FBXW8: variants seen among roughly 807,000 people sequenced by gnomAD.
FBXW8 encodes the protein F-box/WD repeat-containing protein 8.
Under a neutral mutation model 65.3 loss-of-function variants are expected in FBXW8, and 57 were observed. The ratio of observed to expected loss-of-function variants is 0.87; its 90% CI spans 0.71 to 1.09. The LOEUF is 1.09. FBXW8 is among the 50% of genes least tolerant of loss of function. FBXW8 has a pLI of 0.00. For synonymous variants in FBXW8, 308 were observed against 330.2 expected, an observed-to-expected ratio of 0.93 and a Z score of 0.73; for missense variants, 777 against 814.8, an observed-to-expected ratio of 0.95 and a Z score of 0.57.
At chr12:116,949,816 C>T (rs1592876169) in intron 4 of FBXW8, 110 bp downstream of exon 4, 1 of 969,064 alleles carries the variant, frequency 1.0e-6, no homozygotes, top group African/African-American at 1.6e-5. Flanking sequence ...CATGTACCTC[C>T]CTCAGTTACA....
intron 7 of FBXW8, among the ~76,000 whole-genome samples, chr12:117,000,227 C>T (rs1953481535): frequency 2.0e-5 from 3 of 152,182 alleles, no homozygotes; most frequent in Admixed American, 6.5e-5. Context: ...CCGCCCACCT[C>T]GGCCTCCCAA....
At chr12:116,946,382 T>C (rs1305128472) in intron 3 of FBXW8, among the ~76,000 whole-genome samples, 6 of 152,204 alleles carry the variant, frequency 3.9e-5, no homozygotes, top group Admixed American at 3.9e-4. Context: ...ATAAGAGCAG[T>C]GTCTCTCTAG....
At chr12:116,972,627 G>A (rs529227116) in intron 5 of FBXW8, among the ~76,000 whole-genome samples, 27 of 152,122 alleles carry the variant, frequency 1.8e-4, no homozygotes, top group Admixed American at 3.3e-4. Flanking sequence ...CAGGGAGACT[G>A]AGGAGGTAAG....
chr12:117,019,413 C>G (rs1442921323), intron 8 of FBXW8, among the ~76,000 whole-genome samples: 1 of 152,162 alleles, frequency 6.6e-6, no homozygotes, highest in Non-Finnish European at 1.5e-5. Context: ...CAACTTGTCC[C>G]TGGAATCGGT....
intron 7 of FBXW8, 74 bp from the exon 8 acceptor site, chr12:117,010,249 T>C (rs1953770586): frequency 1.9e-6 from 3 of 1,603,636 alleles, no homozygotes; most frequent in African/African-American, 2.7e-5. Context: ...CCCTCCACGA[T>C]GGTGAAATGA....
chr12:116,920,234 C>T (rs1016690483), intron 1 of FBXW8, among the ~76,000 whole-genome samples: 6 of 152,206 alleles, frequency 3.9e-5, no homozygotes, highest in African/African-American at 7.2e-5. Flanking sequence ...CCTCCACTTA[C>T]GAACCTTTTG....
intron 6 of FBXW8, chr12:116,987,235 G>A (rs7137006): frequency 0.68 from 103,808 of 152,330 alleles, 39,996 homozygotes; most frequent in Non-Finnish European, 0.84. Flanking sequence ...CTTCTGGACC[G>A]TGTTCTGGAG....
intron 2 of FBXW8, among the ~76,000 whole-genome samples, chr12:116,935,315 C>T (rs1882077901): frequency 6.6e-6 from 1 of 152,012 alleles, no homozygotes; most frequent in South Asian, 2.1e-4. Flanking sequence ...ATTTTATGTC[C>T]ATGTAGGAGA....
At chr12:117,007,365 G>A (rs1953702239) in intron 7 of FBXW8, among the ~76,000 whole-genome samples, 3 of 152,150 alleles carry the variant, frequency 2.0e-5, no homozygotes, top group Admixed American at 2.0e-4. Flanking sequence ...AAGCCAAAGA[G>A]GAGGAAAAAT....
Position 116,911,084 on chromosome 12 carries a change from A to T in FBXW8, c.47A>T (p.Glu16Val), listed in dbSNP as rs1211147401. The T allele has an allele frequency of 6.9e-7, 1 of 1,443,354 alleles. No homozygotes were observed. The highest frequency in any genetic ancestry group is 3.0e-5 in the East Asian group (1 of 33,050). The allele number at this position is 1,443,354 out of a possible 1,614,324, so 89.4% of individuals were successfully genotyped here. Residue 16 changes from glutamate to valine, a missense_variant, in exon 1 of 11, where the codon GAG becomes GTG. By Grantham distance (121) the Glu-to-Val change is moderately radical. Coordinates refer to ENST00000652555, the MANE Select transcript of FBXW8 (RefSeq NM_153348.3). ...LDEFRRRWQE[E>V]LAQAQAPKKR... ...GAGTTCCGTCGGCGCTGGCAGGAGG[A>T]GCTGGCGCAGGCCCAGGCGCCGAAG...
Position 117,028,189 on chromosome 12 carries a change from G to C in FBXW8, c.*17G>C. On this transcript the variant is annotated 3_prime_UTR_variant, in exon 11 of 11. Coordinates refer to ENST00000652555, the MANE Select transcript of FBXW8 (RefSeq NM_153348.3). This position sits in a 1 kb window ranked among gnomAD's most constrained non-coding sequence, Gnocchi z 4.1. ...CATGTTTAGGGATGTGCCTCAGTTG[G>C]GAGCAAGGAGAAAAATGGGAAGAAC... 2 of 1,611,516 alleles carry C rather than the reference G, an allele frequency of 1.2e-6. No individual in the cohort carries two copies. The highest frequency in any genetic ancestry group is 1.7e-6 in the Non-Finnish European group (2 of 1,178,100).
intron 6 of FBXW8, chr12:116,985,713 A>G (rs1885633076): frequency 4.0e-6 from 1 of 247,358 alleles, no homozygotes; most frequent in African/African-American, 2.2e-5. Flanking sequence ...CCTTCTTCAG[A>G]CTAACACGGT....
At chr12:117,002,093 C>G (rs140434764) in intron 7 of FBXW8, among the ~76,000 whole-genome samples, 6 of 152,184 alleles carry the variant, frequency 3.9e-5, no homozygotes, top group African/African-American at 1.4e-4. Flanking sequence ...GTTGGTTTGG[C>G]CTCACTCCGG....
chr12:116,911,155 G>A lies in FBXW8; in HGVS notation c.118G>A (p.Glu40Lys), dbSNP rs1879890470. The A allele has an allele frequency of 1.5e-6, 2 of 1,342,150 alleles. No individual in the cohort carries two copies. The highest frequency in any genetic ancestry group is 8.2e-5 in the Admixed American group (2 of 24,342). The allele number at this position is 1,342,150 out of a possible 1,614,324, so 83.1% of individuals were successfully genotyped here. Reference protein sequence around the residue: ...EAAERRARRPEVGSGRGEQAS... With the variant: ...EAAERRARRPKVGSGRGEQAS... ...TGCCGAGAGGCGGGCTCGGCGGCCG[G>A]AGGTGGGCTCCGGGCGCGGCGAACA... The change falls in exon 1 of 11, where the codon GAG (glutamate) becomes AAG (lysine). Residue 40 changes from glutamate to lysine, a missense_variant. Coordinates refer to ENST00000652555, the MANE Select transcript of FBXW8 (RefSeq NM_153348.3).
At chr12:116,915,239 C>T (rs1297929586) in intron 1 of FBXW8, among the ~76,000 whole-genome samples, 1 of 152,216 alleles carries the variant, frequency 6.6e-6, no homozygotes, top group African/African-American at 2.4e-5. Context: ...CACATTAGGT[C>T]TTTTCTCCCA....
intron 2 of FBXW8, among the ~76,000 whole-genome samples, chr12:116,943,377 T>C (rs182764621): frequency 5.9e-5 from 9 of 152,348 alleles, no homozygotes; most frequent in Admixed American, 4.6e-4. Flanking sequence ...ATTGTTATTT[T>C]TGTTGTTGCT....
chr12:116,979,505 C>T (rs1302550864), intron 5 of FBXW8: 1 of 152,232 alleles, frequency 6.6e-6, no homozygotes, highest in East Asian at 1.9e-4. Context: ...GGCCCTGCCC[C>T]TTCTCCTTTA....
intron 7 of FBXW8, chr12:117,003,040 TTTG>T (rs1172949876): frequency 6.6e-6 from 1 of 152,236 alleles, no homozygotes; most frequent in Non-Finnish European, 1.5e-5. Flanking sequence ...TTTTGTATCT[TTTG>T]TTTTTTAAAA....
At chr12:117,005,097 A>G (rs7302025) in intron 7 of FBXW8, among the ~76,000 whole-genome samples, 27,764 of 152,172 alleles carry the variant, frequency 0.18, 3,133 homozygotes, top group African/African-American at 0.32. Context: ...GCACTCTGGC[A>G]TCTGAATAGT....
Sources: allele counts gnomAD v4.1 joint callset (sites outside exome capture counted in the v4.1 genomes callset), GRCh38; gene constraint gnomAD v4.1.1; non-coding constraint Gnocchi (gnomAD v3.1); transcripts MANE v1.5; gene names NCBI Gene and HGNC (gene_info 2026-07-23, HGNC 2026-07-21).